The following STAU2 variants were observed in gnomAD, a reference collection of about 807,000 sequenced individuals.
STAU2 encodes the protein double-stranded RNA-binding protein Staufen homolog 2.
Under a neutral mutation model 65.9 loss-of-function variants are expected in STAU2, and 20 were observed. The observed-to-expected ratio is 0.30, with a 90% CI of 0.21 to 0.44. STAU2 has a LOEUF of 0.44. Ranked by LOEUF, STAU2 falls within the 20% of genes least tolerant of loss-of-function variation. The pLI is 1.00. For missense variants in STAU2, 558 were observed against 683.9 expected, an observed-to-expected ratio of 0.82 and a Z score of 2.05; for synonymous variants, 232 against 233.9, an observed-to-expected ratio of 0.99 and a Z score of 0.07.
At chr8:73,601,431 T>C (rs1051113313) in intron 10 of STAU2, among the ~76,000 whole-genome samples, 4 of 152,190 alleles carry the variant, frequency 2.6e-5, no homozygotes, top group African/African-American at 9.7e-5. Context: ...ATCGGAGATT[T>C]TCTTTCGTTT....
intron 6 of STAU2, among the ~76,000 whole-genome samples, chr8:73,634,757 C>T (rs552641878): frequency 8.5e-5 from 13 of 152,276 alleles, no homozygotes; most frequent in African/African-American, 2.9e-4. Context: ...TGGCTGATCT[C>T]CTGCTTCTCC....
intron 13 of STAU2, among the ~76,000 whole-genome samples, chr8:73,464,013 G>C (rs894883634): frequency 2.6e-5 from 4 of 152,116 alleles, no homozygotes; most frequent in Non-Finnish European, 4.4e-5. Context: ...AACATCTTTA[G>C]TACACCTATT....
At chr8:73,543,361 T>C (rs1301605973) in intron 13 of STAU2, among the ~76,000 whole-genome samples, 1 of 152,216 alleles carries the variant, frequency 6.6e-6, no homozygotes, top group African/African-American at 2.4e-5. Context: ...ATATACATTT[T>C]TCAAAACTCA....
chr8:73,527,789 T>C (rs1403856576), intron 13 of STAU2: 1 of 1,536,588 alleles, frequency 6.5e-7, no homozygotes, highest in Non-Finnish European at 8.7e-7. Context: ...CCACTTTGTC[T>C]ATCACAGTAG....
chr8:73,642,802 G>C (rs1028154878), intron 6 of STAU2, among the ~76,000 whole-genome samples: 3 of 152,152 alleles, frequency 2.0e-5, no homozygotes, highest in Non-Finnish European at 4.4e-5. Flanking sequence ...GGTTACATTA[G>C]ACCTTGGCAA....
chr8:73,539,866 T>C (rs1252188026), intron 13 of STAU2, among the ~76,000 whole-genome samples: 1 of 140,666 alleles, frequency 7.1e-6, no homozygotes, highest in Non-Finnish European at 1.5e-5. Context: ...AAAAAAAAAA[T>C]TGTACAATCT....
intron 13 of STAU2, among the ~76,000 whole-genome samples, chr8:73,439,578 A>G (rs879277313): frequency 2.0e-5 from 3 of 152,216 alleles, no homozygotes; most frequent in African/African-American, 7.2e-5. Context: ...GGTGGGAAAG[A>G]GGCTGAGATT....
chr8:73,582,713 T>G (rs951125929), intron 12 of STAU2, 57 bp downstream of exon 12: 2 of 1,496,122 alleles, frequency 1.3e-6, no homozygotes, highest in East Asian at 4.5e-5. Flanking sequence ...CAGTGACAGC[T>G]AGTCACTGAG....
chr8:73,515,395 T>C (rs1047166849), intron 13 of STAU2, among the ~76,000 whole-genome samples: 6 of 152,204 alleles, frequency 3.9e-5, no homozygotes, highest in African/African-American at 1.4e-4. Context: ...ACTCTCTGGA[T>C]TTCATAATGG....
At chr8:73,747,237 G>T, upstream of STAU2, 1 of 905,192 alleles carries the variant, frequency 1.1e-6, no homozygotes, top group Non-Finnish European at 1.6e-6. Context: ...CAGTCTCCTC[G>T]TCCCCGGCGC....
At chr8:73,671,393 C>CAA (rs200155672) in intron 6 of STAU2, among the ~76,000 whole-genome samples, 1 of 124,092 alleles carries the variant, frequency 8.1e-6, no homozygotes, top group South Asian at 2.7e-4. Flanking sequence ...AACAAACAAA[C>CAA]AAACAAAAAA....
chr8:73,450,983 G>A (rs570738384), intron 13 of STAU2, among the ~76,000 whole-genome samples: 12 of 152,316 alleles, frequency 7.9e-5, no homozygotes, highest in Non-Finnish European at 1.3e-4. Context: ...GCCAGCACAT[G>A]AGGATGTGGA....
chr8:73,669,219 GGTAGC>G (rs1476448839), intron 6 of STAU2: 3 of 645,480 alleles, frequency 4.6e-6, no homozygotes, highest in Non-Finnish European at 8.4e-6. Context: ...AACATGGCTT[GGTAGC>G]TTACTAGTAC....
In STAU2 at chr8:73,688,489, CGTGTGTGT is replaced by C. The variant is rs34713766; in HGVS notation, c.274+157_274+164del. ...CCTCCTTCAGTTATTTTTATGCTAC[CGTGTGTGT>C]GTGTGTGTGTGTGTGTGTGTGTGTG... On this transcript the variant is annotated intron_variant, in intron 5 of 14. Transcript: ENST00000524300. Among the ~76,000 whole-genome samples the C allele has an allele frequency of 5.0e-4, 73 of 146,966 alleles. 1 individual carries two copies. Among genetic ancestry groups the C allele is most frequent in the Middle Eastern group, 6.8e-3 (2 of 292 alleles).
chr8:73,627,716 G>C (rs1382309994), intron 6 of STAU2, among the ~76,000 whole-genome samples: 1 of 148,580 alleles, frequency 6.7e-6, no homozygotes, highest in South Asian at 2.1e-4. Flanking sequence ...TTTCTTACTT[G>C]AATGGGAACA....
chr8:73,507,427 G>C (rs1192885396), intron 13 of STAU2, among the ~76,000 whole-genome samples: 1 of 150,448 alleles, frequency 6.6e-6, no homozygotes, highest in African/African-American at 2.4e-5. Flanking sequence ...TCTTTTGAAA[G>C]AAGCCCTTTT....
intron 3 of STAU2, among the ~76,000 whole-genome samples, chr8:73,715,405 G>A (rs529085577): frequency 4.9e-5 from 7 of 144,276 alleles, no homozygotes; most frequent in African/African-American, 7.7e-5. Flanking sequence ...GCAGTGAACC[G>A]AGATGGCACC....
Position 73,625,546 on chromosome 8 carries a change from G to A in STAU2, c.411-8095C>T, listed in dbSNP as rs1242641808. 3.3e-5 allele frequency among the ~76,000 whole-genome samples: 5 copies of A among 152,206 alleles called. No individual in the cohort carries two copies. In the East Asian group the frequency reaches 7.7e-4, roughly 23 times the overall value. ...TAGATTAGTGGTTGCCAGGAGCTGG[G>A]AGGATGGAGTTTGAGGAGTAACTGT... On this transcript the variant is annotated intron_variant, in intron 6 of 14. Transcript: ENST00000524300.
intron 12 of STAU2, among the ~76,000 whole-genome samples, chr8:73,563,919 C>T (rs1808410567): frequency 6.6e-6 from 1 of 152,222 alleles, no homozygotes; most frequent in South Asian, 2.1e-4. Context: ...GATATACAGA[C>T]CAAAATACCT....
Sources: allele counts gnomAD v4.1 joint callset (sites outside exome capture counted in the v4.1 genomes callset), GRCh38; gene constraint gnomAD v4.1.1; transcripts MANE v1.5; gene names NCBI Gene and HGNC (gene_info 2026-07-23, HGNC 2026-07-21).